KIAA1217: variants seen among roughly 807,000 people sequenced by gnomAD.
KIAA1217 encodes the protein KIAA1217.
In KIAA1217, 88 loss-of-function variants were observed where a neutral mutation model predicts 163.9. The ratio of observed to expected loss-of-function variants is 0.54; its 90% CI spans 0.45 to 0.64. The LOEUF (loss-of-function observed/expected upper bound fraction) is 0.64. KIAA1217 is among the 30% of genes least tolerant of loss of function. KIAA1217 has a pLI of 0.00. For missense variants in KIAA1217, 2,372 were observed against 2,475.0 expected (o/e 0.96, Z 0.88); for synonymous variants, 903 against 923.1 (o/e 0.98, Z 0.39).
chr10:23,839,203 T>G (rs936204552), intron 1 of KIAA1217, among the ~76,000 whole-genome samples: 2 of 152,220 alleles, frequency 1.3e-5, no homozygotes, highest in African/African-American at 4.8e-5. Context: ...AGACAGCTTC[T>G]GAATAATTTC....
chr10:24,418,314 C>T (rs1359799931), intron 3 of KIAA1217, among the ~76,000 whole-genome samples: 1 of 152,032 alleles, frequency 6.6e-6, no homozygotes, highest in African/African-American at 2.4e-5. Context: ...TCCTGGGATC[C>T]CGACTTTTGT....
chr10:24,183,569 G>T (rs940608289), intron 2 of KIAA1217, among the ~76,000 whole-genome samples: 1 of 152,172 alleles, frequency 6.6e-6, no homozygotes, highest in African/African-American at 2.4e-5. Context: ...AACTAAACAT[G>T]AATGATAGAA....
At chr10:24,315,643 G>A (rs1315639478) in intron 2 of KIAA1217, among the ~76,000 whole-genome samples, 2 of 151,746 alleles carry the variant, frequency 1.3e-5, no homozygotes, top group Admixed American at 1.3e-4. Flanking sequence ...CACTTTGGGA[G>A]GCTGAGGCAA....
At chr10:24,140,837 T>C (rs939068564) in intron 2 of KIAA1217, among the ~76,000 whole-genome samples, 2 of 152,206 alleles carry the variant, frequency 1.3e-5, no homozygotes, top group African/African-American at 4.8e-5. Flanking sequence ...ATAGTGATCC[T>C]ATTGTCTCCT....
rs900426837 is a variant in KIAA1217 at position 24,527,466 on chromosome 10, A to C, written c.2899-470A>C. On this transcript the variant is annotated intron_variant, in intron 13 of 20. Transcript: ENST00000376454. ...TCCTTGAGGCAGGTTGTTTAAGACC[A>C]GCCTGGGCAACGTAACAGAACCCAT... Among the ~76,000 whole-genome samples, 21 of 149,478 alleles carry C rather than the reference A, an allele frequency of 1.4e-4. 1 individual carries two copies. The highest frequency in any genetic ancestry group is 8.9e-5 in the Non-Finnish European group (6 of 67,416).
At position 24,266,082 on chromosome 10, in the gene KIAA1217, T is replaced by G. The variant is rs1223119270; in HGVS notation, c.354+46173T>G. On this transcript the variant is annotated intron_variant, in intron 2 of 20. Transcript: ENST00000376454. ...TTTGTGTATCTGCAAAGGCTGATCT[T>G]TTTTTTTTTTTTTTGAGACGGAGTC... 2.8e-5 allele frequency among the ~76,000 whole-genome samples: 4 copies of G among 143,806 alleles called. No homozygotes were observed. The East Asian group carries it at 8.5e-4, about 30-fold the overall frequency. 94.3% of individuals were successfully genotyped at this position (143,806 alleles called of 152,430 possible). A position where few individuals can be genotyped will look rare whatever the true frequency, so the allele number is the denominator to read the frequency against.
intron 1 of KIAA1217, among the ~76,000 whole-genome samples, chr10:23,967,508 T>C (rs1012644252): frequency 3.3e-5 from 5 of 152,148 alleles, no homozygotes; most frequent in Non-Finnish European, 7.4e-5. Flanking sequence ...AATACATAAA[T>C]GCAATGATAC....
At chr10:24,497,182 G>A (rs188222999) in intron 8 of KIAA1217, among the ~76,000 whole-genome samples, 5 of 152,274 alleles carry the variant, frequency 3.3e-5, no homozygotes, top group African/African-American at 7.2e-5. Context: ...ACAAGTAAAC[G>A]GAATTATATA....
intron 2 of KIAA1217, among the ~76,000 whole-genome samples, chr10:24,154,653 T>C (rs567413372): frequency 6.6e-6 from 1 of 152,152 alleles, no homozygotes; most frequent in South Asian, 2.1e-4. Context: ...GGCAAGTGGA[T>C]CACCTTAGGT....
intron 11 of KIAA1217, among the ~76,000 whole-genome samples, chr10:24,520,638 A>AG (rs1564847951): frequency 3.8e-5 from 2 of 52,856 alleles, no homozygotes; most frequent in African/African-American, 1.6e-4. Flanking sequence ...AAAAAAAAAA[A>AG]AAAAAAAAAA....
intron 2 of KIAA1217, among the ~76,000 whole-genome samples, chr10:24,072,022 C>A (rs2061205297): frequency 6.6e-6 from 1 of 151,896 alleles, no homozygotes; most frequent in Non-Finnish European, 1.5e-5. Context: ...GAAAATATTA[C>A]TCTATTTCAC....
chr10:24,094,755 T>C (rs983998763), intron 2 of KIAA1217, among the ~76,000 whole-genome samples: 2 of 152,208 alleles, frequency 1.3e-5, no homozygotes, highest in African/African-American at 2.4e-5. Flanking sequence ...ACCACTGCTC[T>C]CTTCAAAGCT....
chr10:23,921,383 C>T (rs1842843215), intron 1 of KIAA1217, among the ~76,000 whole-genome samples: 1 of 152,136 alleles, frequency 6.6e-6, no homozygotes, highest in South Asian at 2.1e-4. Flanking sequence ...AGAGAGAGAA[C>T]TTGTGTTTTC....
chr10:23,872,944 G>T (rs1233886159), intron 1 of KIAA1217, among the ~76,000 whole-genome samples: 2 of 151,972 alleles, frequency 1.3e-5, no homozygotes, highest in Non-Finnish European at 2.9e-5. Flanking sequence ...CCGTATTTTT[G>T]GAATGAAACA....
intron 2 of KIAA1217, among the ~76,000 whole-genome samples, chr10:24,091,407 T>C (rs948647937): frequency 3.9e-5 from 6 of 152,000 alleles, no homozygotes; most frequent in Non-Finnish European, 8.8e-5. Flanking sequence ...AGAAAAATTC[T>C]AGCCTGTTTT....
intron 2 of KIAA1217, among the ~76,000 whole-genome samples, chr10:24,297,236 A>T (rs968592347): frequency 6.6e-6 from 1 of 152,202 alleles, no homozygotes; most frequent in Admixed American, 6.5e-5. Flanking sequence ...GAAGGGTACA[A>T]TGCAGCAGGG....
At chr10:23,809,789 G>T (rs900328147) in intron 1 of KIAA1217, among the ~76,000 whole-genome samples, 1 of 151,782 alleles carries the variant, frequency 6.6e-6, no homozygotes, top group African/African-American at 2.4e-5. Context: ...TAATACCAAG[G>T]AATAACTCTA....
At chr10:23,819,004 A>T (rs1837494567) in intron 1 of KIAA1217, among the ~76,000 whole-genome samples, 1 of 152,198 alleles carries the variant, frequency 6.6e-6, no homozygotes, top group African/African-American at 2.4e-5. Flanking sequence ...GGTTCATATT[A>T]CTTTATTCAT....
At chr10:23,728,806 G>T (rs1182543421) in intron 1 of KIAA1217, among the ~76,000 whole-genome samples, 2 of 152,122 alleles carry the variant, frequency 1.3e-5, no homozygotes, top group Non-Finnish European at 2.9e-5. Flanking sequence ...TATATACAAA[G>T]ATTTCCCATA....
Sources: gnomAD v4.1 joint callset for allele counts (sites outside exome capture counted in the v4.1 genomes callset) on GRCh38, gnomAD v4.1.1 for gene constraint, MANE v1.5 for transcripts, NCBI Gene and HGNC (gene_info 2026-07-23, HGNC 2026-07-21) for gene names.